The following KCNB2 variants were observed in gnomAD, a reference collection of about 807,000 sequenced individuals.
The protein encoded by KCNB2 is delayed rectifier potassium channel protein.
Under a neutral mutation model 61.5 loss-of-function variants are expected in KCNB2, and 15 were observed. The ratio of observed to expected loss-of-function variants is 0.24; its 90% CI spans 0.16 to 0.38. The LOEUF (loss-of-function observed/expected upper bound fraction) is 0.38, where lower values mean the gene tolerates loss of function less well. Among genes scored for constraint, KCNB2 ranks in the 10% least tolerant of loss-of-function variants. The probability of loss-of-function intolerance (pLI) is 1.00; values close to 1 mark genes in which losing one functional copy is unlikely to be tolerated. For synonymous variants in KCNB2, 457 were observed against 446.0 expected (o/e 1.02, Z -0.31); for missense variants, 828 against 1,125.2 (o/e 0.74, Z 3.78).
chr8:72,732,989 C>T (rs1807774015), intron 2 of KCNB2, among the ~76,000 whole-genome samples: 2 of 147,762 alleles, frequency 1.4e-5, no homozygotes, highest in Admixed American at 1.4e-4. Context: ...GTTGAAGATG[C>T]TAAAAAAAAA....
At chr8:72,745,459 A>C (rs1808045290) in intron 2 of KCNB2, among the ~76,000 whole-genome samples, 1 of 152,128 alleles carries the variant, frequency 6.6e-6, no homozygotes, top group South Asian at 2.1e-4. Context: ...TTGATAATTG[A>C]CTAGAAAGAA....
intron 1 of KCNB2, among the ~76,000 whole-genome samples, chr8:72,540,015 T>C (rs893721146): frequency 1.3e-5 from 2 of 152,202 alleles, no homozygotes; most frequent in East Asian, 3.8e-4. Context: ...CCACGTGTTT[T>C]ATATACCTGC....
chr8:72,623,399 A>G (rs901588810), intron 2 of KCNB2, among the ~76,000 whole-genome samples: 3 of 152,210 alleles, frequency 2.0e-5, no homozygotes, highest in African/African-American at 4.8e-5. Context: ...TCTGAGCCCA[A>G]GGAAGCAGCA....
intron 2 of KCNB2, among the ~76,000 whole-genome samples, chr8:72,724,092 C>T (rs1274179615): frequency 1.3e-5 from 2 of 152,128 alleles, no homozygotes; most frequent in African/African-American, 4.8e-5. Flanking sequence ...TGAGTTAGAG[C>T]TTCTCATCTT....
intron 2 of KCNB2, among the ~76,000 whole-genome samples, chr8:72,845,728 G>T (rs183694008): frequency 2.1e-4 from 32 of 152,258 alleles, no homozygotes; most frequent in African/African-American, 7.2e-4. Flanking sequence ...AGGCAGCTTT[G>T]ATTACACCGT....
At chr8:72,817,307 C>T (rs977861004) in intron 2 of KCNB2, among the ~76,000 whole-genome samples, 2 of 152,134 alleles carry the variant, frequency 1.3e-5, no homozygotes, top group South Asian at 2.1e-4. Context: ...CGTACACCCC[C>T]TCACCGAGCA....
intron 2 of KCNB2, among the ~76,000 whole-genome samples, chr8:72,604,709 G>A (rs189039129): frequency 1.3e-3 from 199 of 152,086 alleles, no homozygotes; most frequent in African/African-American, 4.7e-3. Flanking sequence ...TAACATTTTT[G>A]GCAGTTCATT....
intron 2 of KCNB2, among the ~76,000 whole-genome samples, chr8:72,570,477 T>C (rs1806691203): frequency 1.3e-5 from 2 of 152,202 alleles, no homozygotes; most frequent in Admixed American, 1.3e-4. Context: ...TATTGTTCAT[T>C]TGTCTGAGGT....
intron 2 of KCNB2, among the ~76,000 whole-genome samples, chr8:72,825,850 C>T (rs1388509298): frequency 6.6e-6 from 1 of 152,126 alleles, no homozygotes; most frequent in African/African-American, 2.4e-5. Context: ...CATGGGTTCT[C>T]TTTTCACTCT....
chr8:72,698,689 G>C (rs542704183), intron 2 of KCNB2, among the ~76,000 whole-genome samples: 16 of 152,216 alleles, frequency 1.1e-4, no homozygotes, highest in Non-Finnish European at 1.8e-4. Context: ...GAGCAGAATA[G>C]AGAACTCAGA....
chr8:72,799,223 A>C (rs1809082344), intron 2 of KCNB2, among the ~76,000 whole-genome samples: 1 of 152,272 alleles, frequency 6.6e-6, no homozygotes, highest in African/African-American at 2.4e-5. Context: ...CTAGAGAATA[A>C]GTTTTTCCTA....
rs768400398 is a variant in KCNB2 at position 72,937,444 on chromosome 8, ACCGACAGTC to A, written c.2091_2099del (p.Asp698_Pro700del). ...TAGTCCTTTGCAGTCTGACAATGCC[ACCGACAGTC>A]CTAAGAGCTCTCTAAAAGGCAGCAA... On this transcript the variant is annotated inframe_deletion, in exon 3 of 3. Coordinates refer to ENST00000523207, the MANE Select transcript of KCNB2 (RefSeq NM_004770.3). 2 of 1,613,850 alleles carry A rather than the reference ACCGACAGTC, an allele frequency of 1.2e-6. No individual in the cohort carries two copies. The highest frequency in any genetic ancestry group is 4.5e-5 in the East Asian group (2 of 44,850).
chr8:72,838,561 G>T (rs183889328), intron 2 of KCNB2, among the ~76,000 whole-genome samples: 2 of 152,098 alleles, frequency 1.3e-5, no homozygotes, highest in African/African-American at 2.4e-5. Context: ...GAATAGTGCC[G>T]CAATAAACAT....
chr8:72,772,200 T>A (rs890731270), intron 2 of KCNB2, among the ~76,000 whole-genome samples: 1 of 152,054 alleles, frequency 6.6e-6, no homozygotes. Context: ...CTGAGCAGGG[T>A]CACATTATCC....
At position 72,859,706 on chromosome 8, in the gene KCNB2, C is replaced by CTTTTTTTTTTTTTTTTT. The variant is rs1810264452; in HGVS notation, c.580-76229_580-76228insTTTTTTTTTTTTTTTTT. Among the ~76,000 whole-genome samples, 4 of 73,442 alleles carry CTTTTTTTTTTTTTTTTT rather than the reference C, an allele frequency of 5.4e-5. 1 individual carries two copies. The highest frequency in any genetic ancestry group is 7.3e-5 in the Non-Finnish European group (3 of 41,246). The allele number at this position is 73,442 out of a possible 152,430, so 48.2% of individuals were successfully genotyped here. A position where few individuals can be genotyped will look rare whatever the true frequency, so the allele number is the denominator to read the frequency against. ...TGTAGCATGGATCAGTACTTCATTT[C>CTTTTTTTTTTTTTTTTT]GTTTTTTTTTTTTTTTTTTTTTTTT... On this transcript the variant is annotated intron_variant, in intron 2 of 2. Transcript: ENST00000523207.
intron 2 of KCNB2, among the ~76,000 whole-genome samples, chr8:72,736,408 G>GT (rs1218665240): frequency 6.6e-6 from 1 of 152,068 alleles, no homozygotes; most frequent in Non-Finnish European, 1.5e-5. Context: ...TATCCCAAGA[G>GT]TTGTTATTAG....
intron 2 of KCNB2, among the ~76,000 whole-genome samples, chr8:72,841,885 T>C (rs1008361900): frequency 1.3e-5 from 2 of 152,210 alleles, no homozygotes; most frequent in African/African-American, 4.8e-5. Flanking sequence ...ACAGAGACAA[T>C]ATGACTTCTT....
At chr8:72,666,375 C>T (rs1007847422) in intron 2 of KCNB2, among the ~76,000 whole-genome samples, 2 of 152,084 alleles carry the variant, frequency 1.3e-5, no homozygotes, top group Non-Finnish European at 2.9e-5. Context: ...TATCTCCCAC[C>T]TTGAGAAAGT....
intron 2 of KCNB2, among the ~76,000 whole-genome samples, chr8:72,701,742 A>G (rs1189548116): frequency 2.6e-5 from 4 of 152,202 alleles, no homozygotes; most frequent in Non-Finnish European, 2.9e-5. Flanking sequence ...ATAGCAAAAA[A>G]TGGGAAACAT....
Sources: allele counts gnomAD v4.1 joint callset (sites outside exome capture counted in the v4.1 genomes callset), GRCh38; gene constraint gnomAD v4.1.1; transcripts MANE v1.5; gene names NCBI Gene and HGNC (gene_info 2026-07-23, HGNC 2026-07-21).